Variants in SPAG9 observed in about 807,000 individuals in gnomAD.
The protein encoded by SPAG9 is C-Jun-amino-terminal kinase-interacting protein 4.
In SPAG9, 35 loss-of-function variants were observed where a neutral mutation model predicts 166.5. That is an observed-to-expected ratio of 0.21 (90% CI 0.16 to 0.28). SPAG9 has a LOEUF of 0.28. Among genes scored for constraint, SPAG9 ranks in the 10% least tolerant of loss-of-function variants. SPAG9 has a pLI of 1.00. For missense variants in SPAG9, 1,235 were observed against 1,603.3 expected (o/e 0.77, Z 3.92); for synonymous variants, 534 against 565.5 (o/e 0.94, Z 0.79).
At chr17:51,118,438 C>T (rs563975358) in intron 1 of SPAG9, among the ~76,000 whole-genome samples, 5 of 152,260 alleles carry the variant, frequency 3.3e-5, no homozygotes, top group East Asian at 1.9e-4. Flanking sequence ...TTTCTTGGCA[C>T]GTGTGACCCT....
At chr17:51,114,648 A>G (rs779891487) in intron 1 of SPAG9, among the ~76,000 whole-genome samples, 5 of 151,992 alleles carry the variant, frequency 3.3e-5, no homozygotes, top group Non-Finnish European at 5.9e-5. Context: ...AAATAAAATT[A>G]AAAAATAAAA....
chr17:51,087,707 C>A (rs1884550042), intron 1 of SPAG9, among the ~76,000 whole-genome samples: 1 of 152,072 alleles, frequency 6.6e-6, no homozygotes, highest in Non-Finnish European at 1.5e-5. Context: ...GGCTGACCTT[C>A]TTTATTGTTT....
chr17:51,072,503 T>C (rs1383137741), intron 2 of SPAG9, among the ~76,000 whole-genome samples: 2 of 149,858 alleles, frequency 1.3e-5, no homozygotes, highest in East Asian at 4.1e-4. Context: ...GCCAAAAGGG[T>C]GAAACTCCAT....
chr17:51,120,462 G>C lies in SPAG9; in HGVS notation c.195C>G (p.Phe65Leu). Reference protein sequence around the residue: ...VAVLENLDSVFAQDQEHQVEL... With the variant: ...VAVLENLDSVLAQDQEHQVEL... ...CCACCTGGTGCTCCTGGTCCTGCGCGAACACCGAGTCCAGGTTCTCCAGCA... is the reference window on the plus strand; with the variant it reads ...CCACCTGGTGCTCCTGGTCCTGCGCCAACACCGAGTCCAGGTTCTCCAGCA... The change falls in exon 1 of 30, where the codon TTC (phenylalanine) becomes TTG (leucine). Residue 65 changes from phenylalanine (F) to leucine (L), a missense_variant. Around this residue, in one of 6 missense-constraint regions of SPAG9, gnomAD observed 83 missense variants for 149.8 expected, o/e 0.55. Coordinates refer to ENST00000262013, the MANE Select transcript of SPAG9 (RefSeq NM_001130528.3). This position sits in a 1 kb window ranked among gnomAD's most constrained non-coding sequence, Gnocchi z 4.7. 1 of 1,613,910 alleles carries C rather than the reference G, an allele frequency of 6.2e-7. No homozygotes were observed. The highest frequency in any genetic ancestry group is 8.5e-7 in the Non-Finnish European group (1 of 1,179,880).
chr17:50,987,036 C>T, intron 22 of SPAG9, 76 bp downstream of exon 22: 7 of 1,382,668 alleles, frequency 5.1e-6, no homozygotes, highest in East Asian at 4.8e-5. Context: ...ATTTGTTTAC[C>T]ATATTTTACT....
At chr17:51,083,532 C>T (rs1283683309) in intron 1 of SPAG9, among the ~76,000 whole-genome samples, 1 of 140,554 alleles carries the variant, frequency 7.1e-6, no homozygotes, top group African/African-American at 2.7e-5. Context: ...CCACCACACA[C>T]AGCCTCTTTA....
intron 16 of SPAG9, chr17:50,995,770 C>T: frequency 2.4e-6 from 1 of 408,446 alleles, no homozygotes; most frequent in East Asian, 4.3e-5. Flanking sequence ...TAAGCGGTCC[C>T]CTCCCACCTC....
intron 3 of SPAG9, among the ~76,000 whole-genome samples, chr17:51,050,435 T>C (rs2047148699): frequency 6.6e-6 from 1 of 152,232 alleles, no homozygotes; most frequent in South Asian, 2.1e-4. Context: ...ATGACTAACT[T>C]TTCAAGTTGT....
At chr17:51,063,380 C>A (rs959155805) in intron 2 of SPAG9, among the ~76,000 whole-genome samples, 26 of 150,198 alleles carry the variant, frequency 1.7e-4, no homozygotes, top group Admixed American at 4.7e-4. Context: ...CCACCGCACT[C>A]CAGCCTGGGC....
At chr17:50,982,251 T>C (rs1361021160) in intron 25 of SPAG9, among the ~76,000 whole-genome samples, 1 of 152,122 alleles carries the variant, frequency 6.6e-6, no homozygotes, top group African/African-American at 2.4e-5. Flanking sequence ...CAAAAACACA[T>C]ACATATTTCT....
In SPAG9 at chr17:50,993,812, T is replaced by C. The variant is rs1975823701; in HGVS notation, c.2350A>G (p.Ser784Gly). 6.2e-7 allele frequency: 1 copy of C among 1,614,156 alleles called. No individual in the cohort carries two copies. Reference protein sequence around the residue: ...DAVQPGNILDSFTVCNSHVLC... With the variant: ...DAVQPGNILDGFTVCNSHVLC... Reference sequence around the variant, plus strand: ...ACATGAGAGTTGCAAACAGTGAAACTGTCTAGGATGTTGCCAGGTTGAACA... The same window carrying C: ...ACATGAGAGTTGCAAACAGTGAAACCGTCTAGGATGTTGCCAGGTTGAACA... The change falls in exon 19 of 30, where the codon AGT becomes GGT. Residue 784 changes from serine to glycine, a missense_variant. Physicochemically the swap from Ser to Gly is moderately conservative, Grantham distance 56. Transcript: ENST00000262013.
intron 19 of SPAG9, 99 bp downstream of exon 19, chr17:50,993,665 T>C (rs1050054563): frequency 8.7e-7 from 1 of 1,153,342 alleles, no homozygotes. Flanking sequence ...ATAAGCTTCA[T>C]GACAGCAAGG....
At chr17:51,002,951 G>A (rs938325062) in intron 12 of SPAG9, among the ~76,000 whole-genome samples, 53 of 148,598 alleles carry the variant, frequency 3.6e-4, no homozygotes, top group African/African-American at 1.3e-3. Flanking sequence ...ATGGGGTGGC[G>A]CACAACTTTG....
At chr17:51,053,853 AAGTATAT>A (rs1345056283) in intron 3 of SPAG9, among the ~76,000 whole-genome samples, 614 of 56,122 alleles carry the variant, frequency 0.011, 23 homozygotes, top group Admixed American at 0.037. Context: ...AAAAAAAAAA[AAGTATAT>A]ATATATATAT....
At chr17:51,006,900 TGGAAATAAAAGAAACCCCA>T (rs1245325891) in intron 10 of SPAG9, among the ~76,000 whole-genome samples, 7 of 151,726 alleles carry the variant, frequency 4.6e-5, no homozygotes, top group Non-Finnish European at 1.0e-4. Context: ...AATATTTGTG[TGGAAATAAAAGAAACCCCA>T]GGAGAAGAGA....
chr17:50,969,301 T>A (rs1973598101), intron 29 of SPAG9, among the ~76,000 whole-genome samples: 1 of 152,102 alleles, frequency 6.6e-6, no homozygotes, highest in African/African-American at 2.4e-5. Context: ...CTCTTCAAGA[T>A]CAACATGATC....
At position 51,120,579 on chromosome 17, in the gene SPAG9, G is replaced by A. The variant is rs1260725163; in HGVS notation, c.78C>T (p.Gly26=). Residue 26 remains glycine (G), a synonymous_variant, in exon 1 of 30, where the codon GGC becomes GGT. Transcript: ENST00000262013. The surrounding 1 kb of genome is among the most constrained non-coding windows in gnomAD (Gnocchi z 4.7). ...SGAVMSERVS[G]LAGSIYREFE... is the part of the protein sequence containing the mutation. ...ACTCGCGGTAGATGGAGCCGGCCAGGCCGGACACCCGCTCCGACATCACGG... is the reference window on the plus strand; with the variant it reads ...ACTCGCGGTAGATGGAGCCGGCCAGACCGGACACCCGCTCCGACATCACGG... 1 of 1,613,430 alleles carries A rather than the reference G, an allele frequency of 6.2e-7. No individual in the cohort carries two copies. Among genetic ancestry groups the A allele is most frequent in the African/African-American group, 1.3e-5 (1 of 75,002 alleles).
chr17:51,043,875 A>C (rs915549579), intron 4 of SPAG9, among the ~76,000 whole-genome samples: 2 of 152,220 alleles, frequency 1.3e-5, no homozygotes, highest in African/African-American at 2.4e-5. Context: ...TGGGGGAGGG[A>C]GTCTTCTATG....
At chr17:50,992,473 C>T (rs879609339) in intron 19 of SPAG9, among the ~76,000 whole-genome samples, 4 of 152,090 alleles carry the variant, frequency 2.6e-5, no homozygotes, top group Admixed American at 6.6e-5. Context: ...GAGTTCCAGA[C>T]CAGCCTGGGC....
Sources: gnomAD v4.1 joint callset for allele counts (sites outside exome capture counted in the v4.1 genomes callset) on GRCh38, gnomAD v4.1.1 for gene constraint, gnomAD v4.1.1 regional missense constraint, Gnocchi (gnomAD v3.1) non-coding constraint, MANE v1.5 for transcripts, NCBI Gene and HGNC (gene_info 2026-07-23, HGNC 2026-07-21) for gene names.